FRMPD3: variants seen among roughly 807,000 people sequenced by gnomAD.
FRMPD3 encodes FERM and PDZ domain containing 3.
A neutral mutation model predicts 97.9 loss-of-function variants in FRMPD3; 42 were observed. The ratio of observed to expected loss-of-function variants is 0.43; its 90% CI spans 0.34 to 0.55. The LOEUF (loss-of-function observed/expected upper bound fraction) is 0.55, where lower values mean the gene tolerates loss of function less well. Ranked by LOEUF, FRMPD3 falls within the 20% of genes least tolerant of loss-of-function variation. The pLI, the probability that FRMPD3 is intolerant of heterozygous loss-of-function variation, is 0.03. For synonymous variants in FRMPD3, 577 were observed against 581.1 expected, an observed-to-expected ratio of 0.99 and a Z score of 0.10; for missense variants, 1,303 against 1,457.7, an observed-to-expected ratio of 0.89 and a Z score of 1.73.
chrX:107,476,383 G>A (rs1921201871), intron 1 of FRMPD3, among the ~76,000 whole-genome samples: 1 of 112,478 alleles, frequency 8.9e-6, no homozygotes, highest in Non-Finnish European at 1.9e-5. Context: ...ATTGGATTTT[G>A]TTGGCTGAAG....
intron 1 of FRMPD3, 40 bp from the exon 2 acceptor site, chrX:107,526,542 C>T (rs369606823): frequency 2.7e-4 from 308 of 1,151,587 alleles, no homozygotes; most frequent in Non-Finnish European, 3.4e-4. Context: ...GCTTAGTTCC[C>T]TGTGCATCTT....
At chrX:107,495,381 C>A (rs1022297569) in intron 1 of FRMPD3, among the ~76,000 whole-genome samples, 5 of 112,245 alleles carry the variant, frequency 4.5e-5, no homozygotes, top group Non-Finnish European at 7.5e-5. Flanking sequence ...TGAACTGTCT[C>A]ATAATTTTGC....
chrX:107,594,520 A>G (rs1383849248), intron 13 of FRMPD3, among the ~76,000 whole-genome samples: 2 of 112,406 alleles, frequency 1.8e-5, no homozygotes, highest in Non-Finnish European at 3.7e-5. Flanking sequence ...GTGGAAGTTT[A>G]TGGTAATTCA....
intron 14 of FRMPD3, among the ~76,000 whole-genome samples, chrX:107,599,456 A>G (rs1271222868): frequency 9.0e-6 from 1 of 110,781 alleles, no homozygotes; most frequent in East Asian, 2.8e-4. Flanking sequence ...CTCTTTGCTT[A>G]GAGTCTGGAG....
intron 13 of FRMPD3, among the ~76,000 whole-genome samples, chrX:107,590,575 T>C (rs935944675): frequency 1.6e-4 from 18 of 112,982 alleles, no homozygotes; most frequent in African/African-American, 5.5e-4. Context: ...TATGTTTTTG[T>C]GCATCTATTG....
At chrX:107,479,835 TACAC>T (rs72364087) in intron 1 of FRMPD3, among the ~76,000 whole-genome samples, 2,558 of 93,808 alleles carry the variant, frequency 0.027, 75 homozygotes, top group African/African-American at 0.086. Flanking sequence ...TTACCATGAT[TACAC>T]ACACACACAC....
At chrX:107,586,573 G>T (rs1923657745) in intron 13 of FRMPD3, among the ~76,000 whole-genome samples, 1 of 111,334 alleles carries the variant, frequency 9.0e-6, no homozygotes, top group Non-Finnish European at 1.9e-5. Flanking sequence ...GCTTTCTGAT[G>T]ATGTAGGCAT....
chrX:107,585,295 A>G (rs939732220), intron 13 of FRMPD3, among the ~76,000 whole-genome samples: 1 of 111,519 alleles, frequency 9.0e-6, no homozygotes, highest in Non-Finnish European at 1.9e-5. Flanking sequence ...TTGATTTTGT[A>G]TCCTGAGACT....
chrX:107,550,177 C>T (rs1301494661), intron 6 of FRMPD3, 21 bp downstream of exon 6: 7 of 1,041,061 alleles, frequency 6.7e-6, no homozygotes, highest in Non-Finnish European at 9.4e-6. Context: ...TCTCCTCCCC[C>T]TGGTCAGCAT....
At chrX:107,474,884 C>A (rs1921158795) in intron 1 of FRMPD3, among the ~76,000 whole-genome samples, 1 of 112,253 alleles carries the variant, frequency 8.9e-6, no homozygotes, top group South Asian at 3.7e-4. Context: ...ATTGCCCTGG[C>A]AGGGCTGGTG....
In FRMPD3 at chrX:107,604,669, A is replaced by G. The variant is rs1159470728; in HGVS notation, c.*1296A>G. On this transcript the variant is annotated 3_prime_UTR_variant, in exon 15 of 15. Coordinates refer to ENST00000683843, the MANE Select transcript of FRMPD3 (RefSeq NM_001388459.1). The stretch of plus-strand genomic sequence containing the variant: ...CCACTGTAGGGAACAAAGAAAGCCA[A>G]TGTTTCTTCTGTATAGATTGCTTCT... 9.5e-6 allele frequency: 1 copy of G among 105,493 alleles called. No homozygotes were observed. Among genetic ancestry groups the G allele is most frequent in the Non-Finnish European group, 2.0e-5 (1 of 51,157 alleles). The allele number at this position is 105,493 out of a possible 1,213,427, so 8.7% of individuals were successfully genotyped here. A position where few individuals can be genotyped will look rare whatever the true frequency, so the allele number is the denominator to read the frequency against.
intron 12 of FRMPD3, among the ~76,000 whole-genome samples, chrX:107,571,673 T>G (rs1922892889): frequency 8.9e-6 from 1 of 112,355 alleles, no homozygotes; most frequent in Non-Finnish European, 1.9e-5. Context: ...TCAGTAATTC[T>G]GTCCATTAGC....
At chrX:107,570,425 C>G (rs60554913) in intron 12 of FRMPD3, among the ~76,000 whole-genome samples, 11,596 of 108,213 alleles carry the variant, frequency 0.11, 1,740 homozygotes, top group African/African-American at 0.35. Context: ...TAAAGTAGTT[C>G]TCAGCCCTGA....
At chrX:107,539,688 A>C (rs1010893382) in intron 4 of FRMPD3, among the ~76,000 whole-genome samples, 1 of 111,560 alleles carries the variant, frequency 9.0e-6, no homozygotes, top group Non-Finnish European at 1.9e-5. Flanking sequence ...CTCCAACCAT[A>C]TATGCTGAAT....
chrX:107,560,531 C>A, intron 9 of FRMPD3, 138 bp downstream of exon 9: 1 of 901,926 alleles, frequency 1.1e-6, no homozygotes, highest in Non-Finnish European at 1.5e-6. Context: ...CATATCTAGA[C>A]TATGAAGCCC....
In FRMPD3 at chrX:107,601,933, C is replaced by A; in HGVS notation, c.3894C>A (p.Ser1298Arg). 1 of 1,182,915 alleles carries A rather than the reference C, an allele frequency of 8.5e-7. No homozygotes were observed. The change falls in exon 15 of 15, where the codon AGC (serine) becomes AGA (arginine). Residue 1298 changes from serine (S) to arginine (R), a missense_variant. Coordinates refer to ENST00000683843, the MANE Select transcript of FRMPD3 (RefSeq NM_001388459.1). ...GPGMSREQRR[S>R]CDCKRICRGG... The stretch of plus-strand genomic sequence containing the variant: ...GCATGTCCCGTGAGCAGAGGCGCAG[C>A]TGTGACTGCAAGCGCATCTGCCGGG...
chrX:107,568,905 AAGAGAGAG>A (rs112583276), intron 12 of FRMPD3, among the ~76,000 whole-genome samples: 2 of 103,240 alleles, frequency 1.9e-5, no homozygotes, highest in South Asian at 4.4e-4. Context: ...ACAAAAATGA[AAGAGAGAG>A]AGAGAGAGAG....
At chrX:107,555,660 T>C (rs999540609) in intron 8 of FRMPD3, among the ~76,000 whole-genome samples, 11 of 112,208 alleles carry the variant, frequency 9.8e-5, no homozygotes, top group Admixed American at 2.8e-4. Flanking sequence ...CCAAGACCAG[T>C]TGAATCAAAA....
intron 1 of FRMPD3, among the ~76,000 whole-genome samples, chrX:107,454,815 T>C (rs895246308): frequency 5.4e-5 from 6 of 111,334 alleles, no homozygotes; most frequent in Non-Finnish European, 9.4e-5. Flanking sequence ...GTCCACATCA[T>C]TGATTCTCAA....
Sources: allele counts gnomAD v4.1 joint callset (sites outside exome capture counted in the v4.1 genomes callset), GRCh38; gene constraint gnomAD v4.1.1; transcripts MANE v1.5; gene names NCBI Gene and HGNC (gene_info 2026-07-23, HGNC 2026-07-21).